Variants in CEP72 observed in about 807,000 individuals in gnomAD.
The protein encoded by CEP72 is centrosomal protein 72.
CEP72 carries 78 observed loss-of-function variants against 65.7 expected under a neutral mutation model. The observed-to-expected ratio is 1.19, with a 90% CI of 0.99 to 1.43. The LOEUF (loss-of-function observed/expected upper bound fraction) is 1.43. Among genes scored for constraint, CEP72 ranks in the 40% most tolerant of loss-of-function variants. The pLI, the probability that CEP72 is intolerant of heterozygous loss-of-function variation, is 0.00. For missense variants in CEP72, 914 were observed against 832.9 expected (o/e 1.10, Z -1.20); for synonymous variants, 358 against 351.7 (o/e 1.02, Z -0.20).
chr5:640,024 C>T lies in CEP72; in HGVS notation c.1343-384C>T, dbSNP rs549725468. ...CTCCTGAGCTTGCCATCGTCGGTGGCGGGGGGACTGTCCCAGGCCCAGGCC... is the reference window on the plus strand; with the variant it reads ...CTCCTGAGCTTGCCATCGTCGGTGGTGGGGGGACTGTCCCAGGCCCAGGCC... On this transcript the variant is annotated intron_variant, in intron 8 of 11. Coordinates refer to ENST00000264935, the MANE Select transcript of CEP72 (RefSeq NM_018140.4). Among the ~76,000 whole-genome samples the T allele has an allele frequency of 7.2e-5, 11 of 152,278 alleles. No individual in the cohort carries two copies. The South Asian group carries it at 1.9e-3, about 26-fold the overall frequency.
intron 10 of CEP72, among the ~76,000 whole-genome samples, chr5:644,707 GC>G (rs1418418118): frequency 1.3e-5 from 2 of 152,192 alleles, no homozygotes; most frequent in Non-Finnish European, 2.9e-5. Flanking sequence ...GGGTGTCAGG[GC>G]TGCAGCTGCT....
In CEP72 at chr5:619,069, A is replaced by C; in HGVS notation, c.162A>C (p.Thr54=). ...TGGGACATTCTCTGATGAGTTTAACAGGTCTGAAATCTTTGGATCTCTCGC... is the reference window on the plus strand; with the variant it reads ...TGGGACATTCTCTGATGAGTTTAACCGGTCTGAAATCTTTGGATCTCTCGC... The part of the protein sequence containing the change: ...THLGHSLMSL[T]GLKSLDLSRN... The change falls in exon 2 of 12, where the codon ACA becomes ACC. Residue 54 remains threonine, a synonymous_variant. Coordinates refer to ENST00000264935, the MANE Select transcript of CEP72 (RefSeq NM_018140.4). The C allele has an allele frequency of 6.2e-7, 1 of 1,613,894 alleles. No homozygotes were observed. Among genetic ancestry groups the C allele is most frequent in the Non-Finnish European group, 8.5e-7 (1 of 1,179,748 alleles).
chr5:628,549 TGC>T (rs1736930674), intron 4 of CEP72, among the ~76,000 whole-genome samples: 3 of 35,914 alleles, frequency 8.4e-5, no homozygotes, highest in Admixed American at 2.8e-4. Flanking sequence ...GAACTCAGGT[TGC>T]AGTCCCCGGG....
chr5:612,609 ACCCACC>A, intron 1 of CEP72, 166 bp downstream of exon 1: 5 of 985,154 alleles, frequency 5.1e-6, no homozygotes, highest in Non-Finnish European at 6.0e-6. Flanking sequence ...CAGGTGAGCG[ACCCACC>A]CCCCGTGCCC....
At chr5:670,303 C>T (rs761605348), downstream of CEP72, among the ~76,000 whole-genome samples, 14 of 152,176 alleles carry the variant, frequency 9.2e-5, no homozygotes, top group African/African-American at 2.2e-4. Flanking sequence ...GGCCGGCGGG[C>T]GAGGTGACAG....
chr5:657,641 C>G (rs578084120), downstream of CEP72, among the ~76,000 whole-genome samples: 8 of 152,292 alleles, frequency 5.3e-5, no homozygotes, highest in South Asian at 1.7e-3. Context: ...TTATGTCCCC[C>G]CTGCCTTTAC....
chr5:621,562 C>T (rs1343653036), intron 3 of CEP72, among the ~76,000 whole-genome samples: 1 of 152,230 alleles, frequency 6.6e-6, no homozygotes. Context: ...ACCCTGTCAG[C>T]CCCATGAAGT....
At position 642,734 on chromosome 5, in the gene CEP72, G is replaced by A. The variant is rs181757059; in HGVS notation, c.1540-1565G>A. On this transcript the variant is annotated intron_variant, in intron 9 of 11. Transcript: ENST00000264935. ...GATCCAGAAGAATCTGGCAGCCCGA[G>A]CCCCGCGGGTAAGGAGCAGTCAGCA... 1.5e-3 allele frequency: 1,477 copies of A among 985,486 alleles called. 6 individuals carry two copies. The highest frequency in any genetic ancestry group is 4.1e-3 in the South Asian group (87 of 21,292). The allele number at this position is 985,486 out of a possible 1,614,324, so 61.0% of individuals were successfully genotyped here.
intron 3 of CEP72, among the ~76,000 whole-genome samples, chr5:621,748 CA>C (rs1736408755): frequency 6.6e-6 from 1 of 152,238 alleles, no homozygotes; most frequent in Admixed American, 6.5e-5. Context: ...GATGTGATCA[CA>C]CATGTGTTTG....
Position 624,699 on chromosome 5 carries a change from G to A in CEP72, c.512+120G>A. On this transcript the variant is annotated intron_variant, in intron 4 of 11. Coordinates refer to ENST00000264935, the MANE Select transcript of CEP72 (RefSeq NM_018140.4). This position sits in a 1 kb window ranked among gnomAD's most constrained non-coding sequence, Gnocchi z 4.7. ...CTCCAGGGGCGGACACCAGGAGGGA[G>A]GAAGGGCAGAGCCTGCCTGGCGGGG... 2.7e-6 allele frequency: 2 copies of A among 748,082 alleles called. No homozygotes were observed. Among genetic ancestry groups the A allele is most frequent in the Admixed American group, 4.1e-5 (2 of 48,772 alleles). The allele number at this position is 748,082 out of a possible 1,614,324, so 46.3% of individuals were successfully genotyped here.
Position 645,316 on chromosome 5 carries a change from C to T in CEP72, c.1666+891C>T, listed in dbSNP as rs369648570. On this transcript the variant is annotated intron_variant, in intron 10 of 11. Transcript: ENST00000264935. This position sits in a 1 kb window ranked among gnomAD's most constrained non-coding sequence, Gnocchi z 4.0. ...GTTGGTTTTTATTGGGTTGTTTTAT[C>T]GAGCGGTAAGAGTTCCTTAGAGTCT... Among the ~76,000 whole-genome samples the T allele has an allele frequency of 6.6e-6, 1 of 152,030 alleles. No individual in the cohort carries two copies. The highest frequency in any genetic ancestry group is 1.5e-5 in the Non-Finnish European group (1 of 67,998).
the CEP72 span, among the ~76,000 whole-genome samples, chr5:675,460 GCA>G: frequency 3.4e-5 from 2 of 58,592 alleles, no homozygotes; most frequent in African/African-American, 2.3e-4. Context: ...CTGGGGTGCA[GCA>G]CAGGGGGTGC....
At chr5:675,503 C>CAG in the CEP72 span, among the ~76,000 whole-genome samples, 12 of 31,530 alleles carry the variant, frequency 3.8e-4, no homozygotes, top group South Asian at 2.8e-3. Context: ...GTGGCCGGGG[C>CAG]TGCAGTGTGA....
rs188933893 is a variant in CEP72 at position 643,244 on chromosome 5, G to T, written c.1540-1055G>T. 68 of 985,442 alleles carry T rather than the reference G, an allele frequency of 6.9e-5. No homozygotes were observed. In the African/African-American group the frequency reaches 1.2e-3, roughly 17 times the overall value. The allele number at this position is 985,442 out of a possible 1,614,324, so 61.0% of individuals were successfully genotyped here. ...AAAAGAGCTGGGAGCTCACAGCCCT[G>T]CCTTAAGAGCTCACCGCATCCTTGG... On this transcript the variant is annotated intron_variant, in intron 9 of 11. Coordinates refer to ENST00000264935, the MANE Select transcript of CEP72 (RefSeq NM_018140.4).
At chr5:663,725 G>T (rs777638703) in intron 2 of CEP72, 1 of 152,420 alleles carries the variant, frequency 6.6e-6, no homozygotes, top group African/African-American at 2.4e-5. Flanking sequence ...GCCCTGGCCA[G>T]AGCCTGACCG....
At chr5:674,018 C>CA in the CEP72 span, among the ~76,000 whole-genome samples, 1 of 152,266 alleles carries the variant, frequency 6.6e-6, no homozygotes, top group African/African-American at 2.4e-5. Context: ...GAAGGAATCA[C>CA]AGCCGGCACT....
chr5:666,572 C>T (rs910167928), intron 4 of CEP72, among the ~76,000 whole-genome samples: 13 of 152,300 alleles, frequency 8.5e-5, no homozygotes, highest in African/African-American at 2.2e-4. Flanking sequence ...CTGCCGCCCC[C>T]GGACACTTGG....
chr5:637,609 A>C lies in CEP72; in HGVS notation c.997A>C (p.Arg333=). 1 of 1,614,088 alleles carries C rather than the reference A, an allele frequency of 6.2e-7. No homozygotes were observed. The highest frequency in any genetic ancestry group is 8.5e-7 in the Non-Finnish European group (1 of 1,180,046). ...TCCCCTGCCAGCCCCCGGAAAGTGC[A>C]GGAAGCGAAGAATGCCTGTTGGAAG... is the stretch of plus-strand genomic sequence containing the variant. ...PGPLPAPGKC[R]KRRMPVGRFQ... Residue 333 remains arginine (R), a synonymous_variant, in exon 7 of 12, where the codon AGG becomes CGG. Coordinates refer to ENST00000264935, the MANE Select transcript of CEP72 (RefSeq NM_018140.4).
At chr5:639,064 C>G in intron 7 of CEP72, 25 bp from the exon 8 acceptor site, 1 of 1,612,860 alleles carries the variant, frequency 6.2e-7, no homozygotes, top group Non-Finnish European at 8.5e-7. Context: ...GACTCGCTGG[C>G]CTCATGCTGT....
Sources: gnomAD v4.1 joint callset for allele counts (sites outside exome capture counted in the v4.1 genomes callset) on GRCh38, gnomAD v4.1.1 for gene constraint, Gnocchi (gnomAD v3.1) non-coding constraint, MANE v1.5 for transcripts, NCBI Gene and HGNC (gene_info 2026-07-23, HGNC 2026-07-21) for gene names.